GRID2: variants seen among roughly 807,000 people sequenced by gnomAD.
GRID2 encodes the protein glutamate ionotropic receptor delta type subunit 2.
Under a neutral mutation model 114.8 loss-of-function variants are expected in GRID2, and 33 were observed. The ratio of observed to expected loss-of-function variants is 0.29; its 90% confidence interval spans 0.22 to 0.38. The LOEUF is 0.38. Among genes scored for constraint, GRID2 ranks in the 10% least tolerant of loss-of-function variants. The pLI, the probability that GRID2 is intolerant of heterozygous loss-of-function variation, is 1.00. For missense variants in GRID2, 1,184 were observed against 1,257.7 expected (o/e 0.94, Z 0.89); for synonymous variants, 505 against 449.9 (o/e 1.12, Z -1.55).
At chr4:93,357,664 A>G (rs1285708766) in intron 8 of GRID2, among the ~76,000 whole-genome samples, 1 of 151,500 alleles carries the variant, frequency 6.6e-6, no homozygotes, top group Admixed American at 6.6e-5. Flanking sequence ...GCTACAAAAT[A>G]TTTTGTTATT....
intron 8 of GRID2, among the ~76,000 whole-genome samples, chr4:93,292,050 G>A (rs972539325): frequency 1.3e-5 from 2 of 152,166 alleles, no homozygotes; most frequent in Non-Finnish European, 2.9e-5. Flanking sequence ...TGATATGATG[G>A]TGATAAGTCA....
At chr4:92,667,887 C>T (rs1205762638) in intron 2 of GRID2, among the ~76,000 whole-genome samples, 1 of 151,696 alleles carries the variant, frequency 6.6e-6, no homozygotes, top group Non-Finnish European at 1.5e-5. Context: ...TATTTAGTTC[C>T]AGTTCCTGCA....
chr4:93,648,668 A>G (rs1182491671), intron 14 of GRID2, among the ~76,000 whole-genome samples: 3 of 152,202 alleles, frequency 2.0e-5, no homozygotes, highest in Non-Finnish European at 4.4e-5. Context: ...CTCCAGCCCC[A>G]GAGGTTCTGG....
At chr4:92,755,879 G>A (rs760056356) in intron 2 of GRID2, among the ~76,000 whole-genome samples, 1 of 152,070 alleles carries the variant, frequency 6.6e-6, no homozygotes, top group Non-Finnish European at 1.5e-5. Flanking sequence ...GATACATTTT[G>A]TTACATGCAT....
chr4:92,485,272 G>T (rs1722805320), intron 1 of GRID2, among the ~76,000 whole-genome samples: 2 of 118,656 alleles, frequency 1.7e-5, no homozygotes, highest in Non-Finnish European at 1.7e-5. Context: ...GATTTATATT[G>T]TCCTTATATA....
At chr4:93,413,513 A>G (rs532507206) in intron 9 of GRID2, among the ~76,000 whole-genome samples, 1 of 152,184 alleles carries the variant, frequency 6.6e-6, no homozygotes, top group African/African-American at 2.4e-5. Context: ...TCACATAAGT[A>G]GTGCATGAGA....
Position 93,224,856 on chromosome 4 carries a change from ATTTC to A in GRID2, c.1125+83_1125+86del, listed in dbSNP as rs1286744959. The A allele has an allele frequency of 8.2e-6, 8 of 979,784 alleles. No individual in the cohort carries two copies. The African/African-American group carries it at 1.3e-4, about 16-fold the overall frequency. The allele number at this position is 979,784 out of a possible 1,614,324, so 60.7% of individuals were successfully genotyped here. A position where few individuals can be genotyped will look rare whatever the true frequency, so the allele number is the denominator to read the frequency against. On this transcript the variant is annotated intron_variant, in intron 7 of 15. Coordinates refer to ENST00000282020, the MANE Select transcript of GRID2 (RefSeq NM_001510.4). Reference sequence around the variant, plus strand: ...TTAGAAAAAGGGTTTCCTCTTTAATATTTCTACAAATTCTAAGCACAAAACAGTG... The same window carrying A: ...TTAGAAAAAGGGTTTCCTCTTTAATATACAAATTCTAAGCACAAAACAGTG...
intron 2 of GRID2, among the ~76,000 whole-genome samples, chr4:92,715,361 C>T (rs1356571437): frequency 6.6e-6 from 1 of 152,146 alleles, no homozygotes; most frequent in African/African-American, 2.4e-5. Flanking sequence ...CAAACACTCC[C>T]ACATTTTCCT....
intron 2 of GRID2, among the ~76,000 whole-genome samples, chr4:92,949,369 G>C (rs1007467612): frequency 2.6e-5 from 4 of 151,990 alleles, no homozygotes; most frequent in Non-Finnish European, 5.9e-5. Context: ...GTGCAGGTTA[G>C]TTACATATGT....
intron 2 of GRID2, among the ~76,000 whole-genome samples, chr4:92,649,722 C>T (rs1283500854): frequency 6.6e-6 from 1 of 151,918 alleles, no homozygotes; most frequent in Non-Finnish European, 1.5e-5. Flanking sequence ...ATACAACTAT[C>T]CTGCCTGCAA....
chr4:92,943,267 T>C (rs1751322590), intron 2 of GRID2, among the ~76,000 whole-genome samples: 2 of 152,278 alleles, frequency 1.3e-5, no homozygotes, highest in South Asian at 4.1e-4. Context: ...CTTTGTTCTT[T>C]TCTTTTTATT....
At chr4:93,615,436 T>C (rs1375237949) in intron 13 of GRID2, among the ~76,000 whole-genome samples, 1 of 152,182 alleles carries the variant, frequency 6.6e-6, no homozygotes, top group East Asian at 1.9e-4. Context: ...ACAGTTTTAG[T>C]AAAGAAATAG....
At chr4:92,665,115 T>C (rs1251864278) in intron 2 of GRID2, among the ~76,000 whole-genome samples, 2 of 151,016 alleles carry the variant, frequency 1.3e-5, no homozygotes, top group Non-Finnish European at 3.0e-5. Flanking sequence ...ATTTTTTGCA[T>C]TACTGTCTTC....
intron 1 of GRID2, among the ~76,000 whole-genome samples, chr4:92,483,758 T>C (rs1722728743): frequency 6.6e-6 from 1 of 152,148 alleles, no homozygotes; most frequent in Admixed American, 6.6e-5. Flanking sequence ...GGGAGCCTTT[T>C]CAGGCTGCTA....
At chr4:92,656,369 T>C (rs761785167) in intron 2 of GRID2, among the ~76,000 whole-genome samples, 4 of 151,630 alleles carry the variant, frequency 2.6e-5, no homozygotes, top group Non-Finnish European at 5.9e-5. Context: ...TTGTTCTCCA[T>C]ATACTTTTTG....
At chr4:93,631,514 C>T (rs923203971) in intron 14 of GRID2, among the ~76,000 whole-genome samples, 21 of 152,246 alleles carry the variant, frequency 1.4e-4, no homozygotes, top group Middle Eastern at 6.8e-3. Flanking sequence ...TGGTTTCCAC[C>T]TTCATCTATG....
chr4:93,461,484 T>C (rs544373989), intron 11 of GRID2, among the ~76,000 whole-genome samples: 1 of 152,210 alleles, frequency 6.6e-6, no homozygotes, highest in Admixed American at 6.5e-5. Flanking sequence ...TGAGCCACTA[T>C]ACCAGATTGA....
chr4:93,728,670 G>A (rs1022062400), intron 14 of GRID2, among the ~76,000 whole-genome samples: 4 of 152,036 alleles, frequency 2.6e-5, no homozygotes, highest in Non-Finnish European at 5.9e-5. Flanking sequence ...CTGGGTGCTC[G>A]TGTATTGGGT....
chr4:92,933,749 C>T (rs1750417858), intron 2 of GRID2, among the ~76,000 whole-genome samples: 3 of 151,668 alleles, frequency 2.0e-5, no homozygotes, highest in Non-Finnish European at 4.4e-5. Context: ...GGCAACCCTC[C>T]CACCAAAATA....
Sources: gnomAD v4.1 joint callset for allele counts (sites outside exome capture counted in the v4.1 genomes callset) on GRCh38, gnomAD v4.1.1 for gene constraint, MANE v1.5 for transcripts, NCBI Gene and HGNC (gene_info 2026-07-23, HGNC 2026-07-21) for gene names.